Variants in DYM observed in about 807,000 individuals in gnomAD.
DYM encodes the protein dymeclin.
A neutral mutation model predicts 93.1 loss-of-function variants in DYM; 78 were observed. The observed-to-expected ratio is 0.84, with a 90% CI of 0.70 to 1.01. The LOEUF is 1.01. Ranked by LOEUF, DYM falls within the 50% of genes least tolerant of loss-of-function variation. The probability of loss-of-function intolerance (pLI) is 0.00; values close to 1 mark genes in which losing one functional copy is unlikely to be tolerated. For missense variants in DYM, 789 were observed against 845.0 expected (o/e 0.93, Z 0.82); for synonymous variants, 321 against 319.7 (o/e 1.00, Z -0.04).
intron 13 of DYM, among the ~76,000 whole-genome samples, chr18:49,214,925 G>A (rs1366606654): frequency 6.6e-6 from 1 of 152,146 alleles, no homozygotes; most frequent in African/African-American, 2.4e-5. Flanking sequence ...GGCTGGGAGA[G>A]CCCAGGAGGT....
Position 49,209,541 on chromosome 18 carries a change from G to A in DYM, c.1625+10C>T, listed in dbSNP as rs1293936261. The A allele has an allele frequency of 1.6e-6, 2 of 1,288,392 alleles. No homozygotes were observed. Among genetic ancestry groups the A allele is most frequent in the Admixed American group, 2.3e-5 (1 of 43,354 alleles). The allele number at this position is 1,288,392 out of a possible 1,614,324, so 79.8% of individuals were successfully genotyped here. A position where few individuals can be genotyped will look rare whatever the true frequency, so the allele number is the denominator to read the frequency against. On this transcript the variant is annotated intron_variant, in intron 14 of 17. Coordinates refer to ENST00000675505, the MANE Select transcript of DYM (RefSeq NM_001353214.3). The stretch of plus-strand genomic sequence containing the variant: ...CAGCATGCAGTAAATGGACAGCAGA[G>A]GTTAATAACCTGGAAGCATAGGATC...
chr18:49,217,577 A>G (rs180854683), intron 13 of DYM, among the ~76,000 whole-genome samples: 2 of 152,392 alleles, frequency 1.3e-5, no homozygotes, highest in African/African-American at 4.8e-5. Flanking sequence ...TCCACAAGCC[A>G]GAAGAGAGTG....
intron 15 of DYM, among the ~76,000 whole-genome samples, chr18:49,155,995 A>G (rs2086369378): frequency 6.6e-6 from 1 of 152,246 alleles, no homozygotes; most frequent in Non-Finnish European, 1.5e-5. Context: ...GCTGCACCAT[A>G]TAACATTCCC....
At chr18:49,142,020 A>ATT (rs77837968) in intron 15 of DYM, among the ~76,000 whole-genome samples, 13 of 139,570 alleles carry the variant, frequency 9.3e-5, no homozygotes, top group African/African-American at 2.4e-4. Flanking sequence ...CGCCCGGCTA[A>ATT]TTTTTTTTTT....
rs559523711 is a variant in DYM, at chr18:49,097,948, G to A, written c.1912-433C>T. 2.7e-5 allele frequency among the ~76,000 whole-genome samples: 4 copies of A among 148,846 alleles called. No homozygotes were observed. The East Asian group carries it at 7.9e-4, about 29-fold the overall frequency. ...TAACAGGAAAGAATTTGAAACTAAT[G>A]GCTAAAATGATGTTTTGGGGATTAT... is the stretch of plus-strand genomic sequence containing the variant. On this transcript the variant is annotated intron_variant, in intron 16 of 17. Transcript: ENST00000675505.
chr18:49,281,095 C>G (rs1196915725), intron 10 of DYM, among the ~76,000 whole-genome samples: 1 of 152,062 alleles, frequency 6.6e-6, no homozygotes, highest in Non-Finnish European at 1.5e-5. Flanking sequence ...TGAACTCCAA[C>G]AAAGTTACAA....
intron 8 of DYM, among the ~76,000 whole-genome samples, chr18:49,296,386 G>A (rs1468258179): frequency 2.0e-5 from 3 of 152,124 alleles, no homozygotes; most frequent in African/African-American, 7.2e-5. Flanking sequence ...CTATGTACTT[G>A]TATACATTCA....
chr18:49,449,027 C>T (rs780732531), intron 1 of DYM, among the ~76,000 whole-genome samples: 1 of 152,168 alleles, frequency 6.6e-6, no homozygotes, highest in Non-Finnish European at 1.5e-5. Context: ...TCCAACCATA[C>T]CACCAGTTCT....
At chr18:49,069,205 T>C (rs2076697313) in intron 17 of DYM, among the ~76,000 whole-genome samples, 1 of 152,224 alleles carries the variant, frequency 6.6e-6, no homozygotes, top group Non-Finnish European at 1.5e-5. Flanking sequence ...AACTAAATTG[T>C]TATACACCAA....
chr18:49,080,677 C>G (rs1313231670), intron 17 of DYM, among the ~76,000 whole-genome samples: 5 of 147,110 alleles, frequency 3.4e-5, no homozygotes, highest in Non-Finnish European at 7.6e-5. Context: ...GGGCGGCTGC[C>G]GGGCAGAGAC....
At chr18:49,442,860 CT>C (rs199516387) in intron 1 of DYM, among the ~76,000 whole-genome samples, 318 of 142,686 alleles carry the variant, frequency 2.2e-3, no homozygotes, top group Admixed American at 2.1e-3. Flanking sequence ...ATGATTCCTA[CT>C]TTTTTTTTTT....
intron 8 of DYM, among the ~76,000 whole-genome samples, chr18:49,294,981 C>T (rs1401633617): frequency 1.3e-5 from 2 of 152,110 alleles, no homozygotes; most frequent in Non-Finnish European, 1.5e-5. Flanking sequence ...AAAAGGCTAA[C>T]GGTCAATAGA....
rs1185899637 is a variant in DYM at position 49,209,556 on chromosome 18, A to T, written c.1620T>A (p.Ala540=). The T allele has an allele frequency of 3.1e-6, 4 of 1,289,316 alleles. No individual in the cohort carries two copies. Among genetic ancestry groups the T allele is most frequent in the Non-Finnish European group, 4.0e-6 (4 of 988,714 alleles). 79.9% of individuals were successfully genotyped at this position (1,289,316 alleles called of 1,614,324 possible). Residue 540 remains alanine (A), a synonymous_variant, in exon 14 of 18, where the codon GCT becomes GCA. Transcript: ENST00000675505. The stretch of plus-strand genomic sequence containing the variant: ...GGACAGCAGAGGTTAATAACCTGGA[A>T]GCATAGGATCTGAGAATGTGAGAGC... ...LTCSHILRSY[A]SSLFSLLSKK...
intron 14 of DYM, among the ~76,000 whole-genome samples, chr18:49,195,384 T>C (rs2091344466): frequency 6.6e-6 from 1 of 152,244 alleles, no homozygotes; most frequent in African/African-American, 2.4e-5. Flanking sequence ...CAAATATTCA[T>C]CATTTCCTTG....
chr18:49,174,287 CAT>C (rs2089126477), intron 14 of DYM, among the ~76,000 whole-genome samples: 1 of 152,116 alleles, frequency 6.6e-6, no homozygotes, highest in African/African-American at 2.4e-5. Flanking sequence ...CTATGCCACA[CAT>C]CTCTCTAACC....
intron 8 of DYM, among the ~76,000 whole-genome samples, chr18:49,302,528 T>C (rs2060999965): frequency 6.6e-6 from 1 of 152,200 alleles, no homozygotes; most frequent in Non-Finnish European, 1.5e-5. Context: ...TCAGGGGTGC[T>C]GCTTTAAAAG....
chr18:49,164,106 C>G (rs1184108966), intron 14 of DYM, among the ~76,000 whole-genome samples: 2 of 152,112 alleles, frequency 1.3e-5, no homozygotes, highest in East Asian at 3.9e-4. Context: ...TAGACTATGA[C>G]TAACTCATAG....
At chr18:49,110,467 G>C (rs566745095) in intron 16 of DYM, among the ~76,000 whole-genome samples, 2 of 152,052 alleles carry the variant, frequency 1.3e-5, no homozygotes, top group African/African-American at 4.8e-5. Context: ...AGTTTTTAAA[G>C]ACATTTTTGA....
intron 8 of DYM, among the ~76,000 whole-genome samples, chr18:49,296,202 T>C (rs1453508210): frequency 6.6e-6 from 1 of 152,196 alleles, no homozygotes; most frequent in Non-Finnish European, 1.5e-5. Flanking sequence ...GTGCTAGGAT[T>C]ACAGGCACGA....
Sources: gnomAD v4.1 joint callset for allele counts (sites outside exome capture counted in the v4.1 genomes callset) on GRCh38, gnomAD v4.1.1 for gene constraint, MANE v1.5 for transcripts, NCBI Gene and HGNC (gene_info 2026-07-23, HGNC 2026-07-21) for gene names.